Variants in PASD1 observed in about 807,000 individuals in gnomAD.
The protein encoded by PASD1 is circadian clock protein PASD1.
Under a neutral mutation model 58.8 loss-of-function variants are expected in PASD1, and 13 were observed. That is an observed-to-expected ratio of 0.22 (90% CI 0.14 to 0.35). The LOEUF (loss-of-function observed/expected upper bound fraction) is 0.35, where lower values mean the gene tolerates loss of function less well. Among genes scored for constraint, PASD1 ranks in the 10% least tolerant of loss-of-function variants. PASD1 has a pLI of 1.00. For missense variants in PASD1, 734 were observed against 568.3 expected, an observed-to-expected ratio of 1.29 and a Z score of -2.96; for synonymous variants, 236 against 216.7, an observed-to-expected ratio of 1.09 and a Z score of -0.78.
intron 3 of PASD1, among the ~76,000 whole-genome samples, chrX:151,606,621 G>A (rs953876245): frequency 8.1e-5 from 9 of 111,001 alleles, no homozygotes; most frequent in African/African-American, 3.0e-4. Flanking sequence ...CCAAAGCTGG[G>A]AGAGCTTGCA....
At chrX:151,664,385 G>A (rs1474994164) in intron 11 of PASD1, 37 bp downstream of exon 11, 2 of 1,201,519 alleles carry the variant, frequency 1.7e-6, no homozygotes, top group East Asian at 6.0e-5. Flanking sequence ...CTTCACGTTT[G>A]TCTGGATAGC....
intron 10 of PASD1, among the ~76,000 whole-genome samples, chrX:151,661,123 C>T (rs1369572646): frequency 9.2e-6 from 1 of 108,813 alleles, no homozygotes; most frequent in African/African-American, 3.4e-5. Flanking sequence ...CCACTGCACT[C>T]CAGCCTGGGC....
chrX:151,575,351 T>C (rs964735325), intron 1 of PASD1, among the ~76,000 whole-genome samples: 6 of 111,071 alleles, frequency 5.4e-5, no homozygotes, highest in Admixed American at 2.9e-4. Flanking sequence ...CTCTTACCTT[T>C]ATTTTCAGTT....
rs184853228 is a variant in PASD1 at position 151,610,788 on chromosome X, T to G, written c.118-876T>G. Among the ~76,000 whole-genome samples, 243 of 111,902 alleles carry G rather than the reference T, an allele frequency of 2.2e-3. 2 individuals carry two copies. Among genetic ancestry groups the G allele is most frequent in the African/African-American group, 7.3e-3 (225 of 30,857 alleles). ...TATATGAATTCTAGCTCCAAGTTTG[T>G]GTGAAGGTGGGCTTCTGCTTAGTAC... On this transcript the variant is annotated intron_variant, in intron 3 of 15. Coordinates refer to ENST00000370357, the MANE Select transcript of PASD1 (RefSeq NM_173493.3).
intron 1 of PASD1, among the ~76,000 whole-genome samples, chrX:151,570,215 TAAAA>T (rs962828403): frequency 2.7e-5 from 3 of 111,195 alleles, no homozygotes; most frequent in South Asian, 3.8e-4. Context: ...TGAAATAAAG[TAAAA>T]TAAATTAGGA....
intron 1 of PASD1, among the ~76,000 whole-genome samples, chrX:151,570,986 C>G (rs2012919295): frequency 8.9e-6 from 1 of 111,777 alleles, no homozygotes; most frequent in African/African-American, 3.3e-5. Flanking sequence ...AAGCTGACCA[C>G]CTTTATGCAA....
At chrX:151,675,103 C>T (rs2014528085) in intron 15 of PASD1, among the ~76,000 whole-genome samples, 1 of 111,534 alleles carries the variant, frequency 9.0e-6, no homozygotes, top group Non-Finnish European at 1.9e-5. Flanking sequence ...TTTTGAGGCA[C>T]TTTCCCTCCT....
intron 9 of PASD1, among the ~76,000 whole-genome samples, chrX:151,652,528 G>A (rs1270822507): frequency 7.9e-5 from 3 of 38,116 alleles, no homozygotes; most frequent in African/African-American, 1.8e-4. Flanking sequence ...ATGAGACTCC[G>A]TCTCAAAAAA....
intron 8 of PASD1, among the ~76,000 whole-genome samples, chrX:151,626,643 A>C (rs1248247887): frequency 9.0e-6 from 1 of 111,567 alleles, no homozygotes; most frequent in Non-Finnish European, 1.9e-5. Flanking sequence ...GAAGTAATAT[A>C]TTAAATATAT....
chrX:151,643,051 A>G (rs888289742), intron 8 of PASD1, among the ~76,000 whole-genome samples: 3 of 112,042 alleles, frequency 2.7e-5, no homozygotes, highest in African/African-American at 9.7e-5. Flanking sequence ...TTCCAACGAT[A>G]GTCTTAAACT....
In PASD1 at chrX:151,676,283, AGGTT is replaced by A; in HGVS notation, c.*141_*144del. The A allele has an allele frequency of 1.6e-6, 1 of 619,629 alleles. No homozygotes were observed. Among genetic ancestry groups the A allele is most frequent in the East Asian group, 3.7e-5 (1 of 27,300 alleles). The allele number at this position is 619,629 out of a possible 1,213,427, so 51.1% of individuals were successfully genotyped here. On this transcript the variant is annotated 3_prime_UTR_variant, in exon 16 of 16. Coordinates refer to ENST00000370357, the MANE Select transcript of PASD1 (RefSeq NM_173493.3). ...GGTAGAGACTTATTTGTTTCCTGAT[AGGTT>A]ATGTTTGTAATTGTTTGTTAAGCAC... is the stretch of plus-strand genomic sequence containing the variant.
At chrX:151,661,369 C>T (rs887339554) in intron 10 of PASD1, among the ~76,000 whole-genome samples, 4 of 111,566 alleles carry the variant, frequency 3.6e-5, no homozygotes, top group African/African-American at 1.3e-4. Flanking sequence ...CAACCCCAGG[C>T]TGCAGAAAGC....
chrX:151,654,181 G>A (rs1362620657), intron 9 of PASD1, among the ~76,000 whole-genome samples: 4 of 107,706 alleles, frequency 3.7e-5, no homozygotes, highest in Admixed American at 1.0e-4. Flanking sequence ...TATTGCCCAA[G>A]CTGGTCTCAA....
At chrX:151,628,667 A>G (rs921617125) in intron 8 of PASD1, among the ~76,000 whole-genome samples, 1 of 111,732 alleles carries the variant, frequency 8.9e-6, no homozygotes, top group Non-Finnish European at 1.9e-5. Flanking sequence ...TTGACTTGGC[A>G]ATGCGGGCTC....
intron 1 of PASD1, among the ~76,000 whole-genome samples, chrX:151,593,613 A>G (rs1309265893): frequency 9.0e-6 from 1 of 111,490 alleles, no homozygotes; most frequent in Non-Finnish European, 1.9e-5. Flanking sequence ...CATGGCGTAT[A>G]TGTGCCACAT....
chrX:151,611,962 TC>T (rs2013567420), intron 4 of PASD1, among the ~76,000 whole-genome samples: 1 of 53,591 alleles, frequency 1.9e-5, no homozygotes, highest in Non-Finnish European at 3.2e-5. Context: ...ATGCTATCCC[TC>T]CCCCCTCCCC....
At position 151,676,108 on chromosome X, in the gene PASD1, C is replaced by A. The variant is rs1569418524; in HGVS notation, c.2287C>A (p.Pro763Thr). The A allele has an allele frequency of 4.1e-6, 5 of 1,208,041 alleles. No individual in the cohort carries two copies. In the Middle Eastern group the frequency reaches 9.3e-4, roughly 224 times the overall value. ...ATCTGCGGAGCAGACCAGATTGATG[C>A]CTGCAGAGCAACGTGACTCAAATAA... ...MRSAEQTRLMPAEQRDSNKPC is the reference protein window; with the variant it reads ...MRSAEQTRLMTAEQRDSNKPC Residue 763 changes from proline to threonine, a missense_variant, in exon 16 of 16, where the codon CCT (proline) becomes ACT (threonine). Pro to Thr is a conservative substitution (Grantham distance 38, BLOSUM62 -1). Coordinates refer to ENST00000370357, the MANE Select transcript of PASD1 (RefSeq NM_173493.3).
At chrX:151,640,165 G>A (rs1379976747) in intron 8 of PASD1, among the ~76,000 whole-genome samples, 1 of 111,340 alleles carries the variant, frequency 9.0e-6, no homozygotes, top group Non-Finnish European at 1.9e-5. Context: ...TGGGATGTTT[G>A]GCAAAACCTT....
chrX:151,657,596 A>G (rs973007404), intron 9 of PASD1, among the ~76,000 whole-genome samples: 2 of 111,410 alleles, frequency 1.8e-5, no homozygotes, highest in African/African-American at 6.5e-5. Flanking sequence ...GGGAGGGCGT[A>G]TGTGTCCAGG....
Sources: gnomAD v4.1 joint callset for allele counts (sites outside exome capture counted in the v4.1 genomes callset) on GRCh38, gnomAD v4.1.1 for gene constraint, MANE v1.5 for transcripts, NCBI Gene and HGNC (gene_info 2026-07-23, HGNC 2026-07-21) for gene names.